Variants in SRSF6 observed in about 807,000 individuals in gnomAD.
SRSF6 encodes serine and arginine rich splicing factor 6, also known as serine/arginine-rich splicing factor 6.
SRSF6 carries 17 observed loss-of-function variants against 42.0 expected under a neutral mutation model. The ratio of observed to expected loss-of-function variants is 0.40; its 90% CI spans 0.28 to 0.61. SRSF6 has a LOEUF of 0.61. Ranked by LOEUF, SRSF6 falls within the 20% of genes least tolerant of loss-of-function variation. The pLI is 0.37. For missense variants in SRSF6, 379 were observed against 471.4 expected, an observed-to-expected ratio of 0.80 and a Z score of 1.81; for synonymous variants, 204 against 166.7, an observed-to-expected ratio of 1.22 and a Z score of -1.72.
At position 43,462,309 on chromosome 20, in the gene SRSF6, A is replaced by G. The variant is rs2017616300; in HGVS notation, c.*1246A>G. The G allele has an allele frequency of 6.6e-6, 1 of 152,358 alleles. No homozygotes were observed. The highest frequency in any genetic ancestry group is 1.9e-4 in the East Asian group (1 of 5,192). 9.4% of individuals were successfully genotyped at this position (152,358 alleles called of 1,614,324 possible). On this transcript the variant is annotated 3_prime_UTR_variant, in exon 6 of 6. Transcript: ENST00000244020. ...ATTTGTAGGAGTTACTAGGTTAGCA[A>G]TTAGTCCATACATCCATAAGCCTGA...
Position 43,460,038 on chromosome 20 carries a change from T to C in SRSF6, c.387T>C (p.Phe129=), listed in dbSNP as rs1271322615. ...TGACCAATCTTGTCTTTCAGGATTT[T>C]ATGCGACAAGCAGGTGAAGTAACCT... The part of the protein sequence containing the change: ...SRCSWQDLKD[F]MRQAGEVTYA... The change falls in exon 4 of 6, where the codon TTT becomes TTC. Residue 129 remains phenylalanine, a synonymous_variant. Coordinates refer to ENST00000244020, the MANE Select transcript of SRSF6 (RefSeq NM_006275.6). 1 of 1,614,258 alleles carries C rather than the reference T, an allele frequency of 6.2e-7. No individual in the cohort carries two copies. The highest frequency in any genetic ancestry group is 1.7e-5 in the Admixed American group (1 of 60,032).
rs764686726 is a variant in SRSF6 at position 43,461,091 on chromosome 20, A to G, written c.*28A>G. The G allele has an allele frequency of 3.4e-5, 52 of 1,526,974 alleles. 2 individuals are homozygous for G. The South Asian group carries it at 4.7e-4, about 14-fold the overall frequency. 94.6% of individuals were successfully genotyped at this position (1,526,974 alleles called of 1,614,324 possible). On this transcript the variant is annotated 3_prime_UTR_variant, in exon 6 of 6. Transcript: ENST00000244020. ...CAGAACTCCTTGTTTGCACATTATT[A>G]TGGAACACTTTCCTACTTAGGCAGT...
At chr20:43,458,312 C>G (rs753887837) in intron 1 of SRSF6, 49 bp from the exon 2 acceptor site, 4 of 1,464,560 alleles carry the variant, frequency 2.7e-6, no homozygotes, top group Non-Finnish European at 3.6e-6. Context: ...ACGTGCGCGT[C>G]CTGGCTAACG....
rs1274454620 is a variant in SRSF6 at position 43,463,571 on chromosome 20, G to C, written c.*2508G>C. The C allele has an allele frequency of 6.6e-6, 1 of 152,622 alleles. No individual in the cohort carries two copies. Among genetic ancestry groups the C allele is most frequent in the South Asian group, 2.1e-4 (1 of 4,822 alleles). The allele number at this position is 152,622 out of a possible 1,614,324, so 9.5% of individuals were successfully genotyped here. On this transcript the variant is annotated 3_prime_UTR_variant, in exon 6 of 6. Coordinates refer to ENST00000244020, the MANE Select transcript of SRSF6 (RefSeq NM_006275.6). ...CTCCCGATTTGTTCACCTATTTTGT[G>C]CTTTAAATCTCAATAAAATACTTAC...
chr20:43,459,607 T>C (rs1052429453), intron 2 of SRSF6, among the ~76,000 whole-genome samples, 164 bp from the exon 3 acceptor site: 5 of 152,250 alleles, frequency 3.3e-5, no homozygotes, highest in African/African-American at 1.2e-4. Flanking sequence ...TGACTTGCCC[T>C]TAATTTAATT....
chr20:43,460,475 T>G (rs778126949), intron 4 of SRSF6, 40 bp from the exon 5 acceptor site: 1 of 1,599,096 alleles, frequency 6.3e-7, no homozygotes, highest in Non-Finnish European at 8.6e-7. Flanking sequence ...TGTATTTAAG[T>G]TGGATTGGGA....
rs760093047 is a variant in SRSF6 at position 43,458,353 on chromosome 20, G to T, written c.108-8G>T. The T allele has an allele frequency of 2.0e-6, 3 of 1,534,900 alleles. No individual in the cohort carries two copies. In the South Asian group the frequency reaches 3.6e-5, roughly 18 times the overall value. ...CCCGCGGTTGTCCGGCCCTCGCACC[G>T]CCCCTAGGTACGGCTTCGTGGAGTT... On this transcript the variant is annotated splice_region_variant and splice_polypyrimidine_tract_variant and intron_variant, in intron 1 of 5. Coordinates refer to ENST00000244020, the MANE Select transcript of SRSF6 (RefSeq NM_006275.6).
rs1419862619 is a variant in SRSF6 at position 43,461,979 on chromosome 20, CT to C, written c.*921del. 6.6e-6 allele frequency: 1 copy of C among 152,158 alleles called. No homozygotes were observed. The highest frequency in any genetic ancestry group is 2.4e-5 in the African/African-American group (1 of 41,444). The allele number at this position is 152,158 out of a possible 1,614,324, so 9.4% of individuals were successfully genotyped here. ...TGTCATGTGGAAATGGAAGTAGCCTCTTTTTGTTCTGAAATTGAGTTTATTC... is the reference window on the plus strand; with the variant it reads ...TGTCATGTGGAAATGGAAGTAGCCTCTTTTGTTCTGAAATTGAGTTTATTC... On this transcript the variant is annotated 3_prime_UTR_variant, in exon 6 of 6. Transcript: ENST00000244020.
chr20:43,461,419 G>A lies in SRSF6; in HGVS notation c.*356G>A, dbSNP rs1168914607. On this transcript the variant is annotated 3_prime_UTR_variant, in exon 6 of 6. Coordinates refer to ENST00000244020, the MANE Select transcript of SRSF6 (RefSeq NM_006275.6). ...CTGGCAGGGTTTTTTTGTTTTATTTGTTTGCTTATTTTTAAATTAACTGTT... is the reference window on the plus strand; with the variant it reads ...CTGGCAGGGTTTTTTTGTTTTATTTATTTGCTTATTTTTAAATTAACTGTT... 1 of 73,782 alleles carries A rather than the reference G, an allele frequency of 1.4e-5. No homozygotes were observed. The highest frequency in any genetic ancestry group is 2.4e-5 in the Non-Finnish European group (1 of 40,984). The allele number at this position is 73,782 out of a possible 1,614,324, so 4.6% of individuals were successfully genotyped here. A position where few individuals can be genotyped will look rare whatever the true frequency, so the allele number is the denominator to read the frequency against.
rs866159433 is a variant in SRSF6, at chr20:43,463,335, C to G, written c.*2272C>G. ...GGTTGACTGATAAAATGTTTAATTCCCTTGCTAGCTTGTGAGAAGAATGAG... is the reference window on the plus strand; with the variant it reads ...GGTTGACTGATAAAATGTTTAATTCGCTTGCTAGCTTGTGAGAAGAATGAG... On this transcript the variant is annotated 3_prime_UTR_variant, in exon 6 of 6. Coordinates refer to ENST00000244020, the MANE Select transcript of SRSF6 (RefSeq NM_006275.6). The G allele has an allele frequency of 3.2e-5, 5 of 154,756 alleles. No individual in the cohort carries two copies. Among genetic ancestry groups the G allele is most frequent in the African/African-American group, 9.6e-5 (4 of 41,506 alleles). The allele number at this position is 154,756 out of a possible 1,614,324, so 9.6% of individuals were successfully genotyped here. A position where few individuals can be genotyped will look rare whatever the true frequency, so the allele number is the denominator to read the frequency against.
In SRSF6 at chr20:43,461,337, G is replaced by GTTTTTTTGTTT. The variant is rs2017589818; in HGVS notation, c.*281_*282insGTTTTTTTTTT. 2 of 43,768 alleles carry GTTTTTTTGTTT rather than the reference G, an allele frequency of 4.6e-5. No homozygotes were observed. Among genetic ancestry groups the GTTTTTTTGTTT allele is most frequent in the African/African-American group, 1.6e-4 (2 of 12,192 alleles). The allele number at this position is 43,768 out of a possible 1,614,324, so 2.7% of individuals were successfully genotyped here. ...GTAAAGATTAAGCTCATTTAGTGTTGTTTTTTTTTTTTTTTTTTTTTTTTT... is the reference window on the plus strand; with the variant it reads ...GTAAAGATTAAGCTCATTTAGTGTTGTTTTTTTGTTTTTTTTTTTTTTTTTTTTTTTTTTTT... On this transcript the variant is annotated 3_prime_UTR_variant, in exon 6 of 6. Coordinates refer to ENST00000244020, the MANE Select transcript of SRSF6 (RefSeq NM_006275.6).
Position 43,460,726 on chromosome 20 carries a change from G to C in SRSF6, c.698G>C (p.Arg233Pro). The C allele has an allele frequency of 6.2e-7, 1 of 1,613,472 alleles. No homozygotes were observed. The part of the protein sequence containing the change: ...RSRSRSRSKG[R>P]SRSRSKGRKS... Reference sequence around the variant, plus strand: ...AGTTCCAGGTCGCGGAGCAAAGGTCGATCACGTTCTCGATCAAAAGGCAGG... The same window carrying C: ...AGTTCCAGGTCGCGGAGCAAAGGTCCATCACGTTCTCGATCAAAAGGCAGG... The change falls in exon 6 of 6, where the codon CGA becomes CCA. Residue 233 changes from arginine to proline, a missense_variant. Coordinates refer to ENST00000244020, the MANE Select transcript of SRSF6 (RefSeq NM_006275.6).
chr20:43,458,367 C>T lies in SRSF6; in HGVS notation c.114C>T (p.Gly38=). 1 of 1,560,354 alleles carries T rather than the reference C, an allele frequency of 6.4e-7. No individual in the cohort carries two copies. Among genetic ancestry groups the T allele is most frequent in the African/African-American group, 1.4e-5 (1 of 69,998 alleles). ...GCCCTCGCACCGCCCCTAGGTACGG[C>T]TTCGTGGAGTTCGAGGACTCCCGCG... ...LLEVDLKNGY[G]FVEFEDSRDA... The change falls in exon 2 of 6, where the codon GGC becomes GGT. Residue 38 remains glycine, a synonymous_variant. Transcript: ENST00000244020.
At chr20:43,460,399 T>C in intron 4 of SRSF6, 116 bp from the exon 5 acceptor site, 1 of 1,378,666 alleles carries the variant, frequency 7.3e-7, no homozygotes, top group South Asian at 1.3e-5. Flanking sequence ...TTGAACAGTG[T>C]ATTTAATTTC....
rs536086202 is a variant in SRSF6, at chr20:43,461,430, TTTAAA to T, written c.*372_*376del. The T allele has an allele frequency of 1.2e-3, 205 of 167,892 alleles. No homozygotes were observed. Among genetic ancestry groups the T allele is most frequent in the African/African-American group, 4.7e-3 (196 of 41,446 alleles). The allele number at this position is 167,892 out of a possible 1,614,324, so 10.4% of individuals were successfully genotyped here. ...TTTTTGTTTTATTTGTTTGCTTATTTTTAAATTAACTGTTTTGAGCTTTGAATACT... is the reference window on the plus strand; with the variant it reads ...TTTTTGTTTTATTTGTTTGCTTATTTTTAACTGTTTTGAGCTTTGAATACT... On this transcript the variant is annotated 3_prime_UTR_variant, in exon 6 of 6. Transcript: ENST00000244020.
chr20:43,457,982 C>G lies in SRSF6; in HGVS notation c.-52C>G, dbSNP rs1385213265. 7.4e-6 allele frequency: 11 copies of G among 1,492,422 alleles called. No individual in the cohort carries two copies. In the Admixed American group the frequency reaches 2.0e-4, roughly 27 times the overall value. The allele number at this position is 1,492,422 out of a possible 1,614,324, so 92.4% of individuals were successfully genotyped here. On this transcript the variant is annotated 5_prime_UTR_variant, in exon 1 of 6. Coordinates refer to ENST00000244020, the MANE Select transcript of SRSF6 (RefSeq NM_006275.6). ...CCCGCACCCGCACCGCGGTTACTGG[C>G]TTGCGGTCCGCCGTTCGACAACCAG...
chr20:43,458,318 TA>T, intron 1 of SRSF6, 42 bp from the exon 2 acceptor site: 1 of 1,483,894 alleles, frequency 6.7e-7, no homozygotes, highest in Non-Finnish European at 9.0e-7. Context: ...GCGTCCTGGC[TA>T]ACGACTCCCC....
At position 43,462,814 on chromosome 20, in the gene SRSF6, CTTTA is replaced by C. The variant is rs933014276; in HGVS notation, c.*1756_*1759del. Reference sequence around the variant, plus strand: ...TTCCATTATCTTATTTTCTTTGATACTTTATTTAATTAGATGTTTATAAAGAAAT... The same window carrying C: ...TTCCATTATCTTATTTTCTTTGATACTTTAATTAGATGTTTATAAAGAAAT... On this transcript the variant is annotated 3_prime_UTR_variant, in exon 6 of 6. Coordinates refer to ENST00000244020, the MANE Select transcript of SRSF6 (RefSeq NM_006275.6). 1.3e-5 allele frequency: 2 copies of C among 152,502 alleles called. No homozygotes were observed. Among genetic ancestry groups the C allele is most frequent in the Non-Finnish European group, 2.9e-5 (2 of 68,022 alleles). The allele number at this position is 152,502 out of a possible 1,614,324, so 9.4% of individuals were successfully genotyped here. A position where few individuals can be genotyped will look rare whatever the true frequency, so the allele number is the denominator to read the frequency against.
At position 43,461,058 on chromosome 20, in the gene SRSF6, GATT is replaced by G. The variant is rs775466693; in HGVS notation, c.1032_1034del (p.Asp344_Ter345delinsGlu). 2.5e-6 allele frequency: 4 copies of G among 1,571,114 alleles called. No homozygotes were observed. In the Admixed American group the frequency reaches 7.7e-5, roughly 30 times the overall value. On this transcript the variant is annotated stop_lost and inframe_deletion, in exon 6 of 6. Transcript: ENST00000244020. ...ATCAAGGTCCAGGTCGAGTTCCAGA[GATT>G]AACTCAGAACTCCTTGTTTGCACAT...
Sources: allele counts gnomAD v4.1 joint callset (sites outside exome capture counted in the v4.1 genomes callset), GRCh38; gene constraint gnomAD v4.1.1; transcripts MANE v1.5; gene names NCBI Gene and HGNC (gene_info 2026-07-23, HGNC 2026-07-21).